Variants in ZCCHC4 observed in about 807,000 individuals in gnomAD.
ZCCHC4 encodes the protein rRNA N(6)-adenosine-methyltransferase ZCCHC4.
A neutral mutation model predicts 67.7 loss-of-function variants in ZCCHC4; 54 were observed. That is an observed-to-expected ratio of 0.80 (90% CI 0.64 to 1.00). ZCCHC4 has a LOEUF of 1.00. Ranked by LOEUF, ZCCHC4 falls within the 50% of genes least tolerant of loss-of-function variation. The pLI is 0.00. For missense variants in ZCCHC4, 609 were observed against 617.0 expected (o/e 0.99, Z 0.14); for synonymous variants, 198 against 213.5 (o/e 0.93, Z 0.63).
At chr4:25,321,364 T>C (rs1490962534) in intron 3 of ZCCHC4, among the ~76,000 whole-genome samples, 1 of 152,048 alleles carries the variant, frequency 6.6e-6, no homozygotes, top group African/African-American at 2.4e-5. Flanking sequence ...GGGGTCTTCC[T>C]GGCTAATTTT....
intron 1 of ZCCHC4, 115 bp from the exon 2 acceptor site, chr4:25,313,931 G>C (rs1275584087): frequency 3.3e-5 from 22 of 667,818 alleles, no homozygotes; most frequent in Non-Finnish European, 5.2e-6. Context: ...ATTTAATTAT[G>C]ATAAATTGTG....
chr4:25,343,069 C>A (rs916677858), intron 5 of ZCCHC4, among the ~76,000 whole-genome samples: 3 of 151,762 alleles, frequency 2.0e-5, no homozygotes, highest in African/African-American at 7.3e-5. Flanking sequence ...GAGAAGAAAA[C>A]CCTCAAATGA....
chr4:25,349,826 T>C, intron 7 of ZCCHC4, 184 bp downstream of exon 7: 2 of 624,262 alleles, frequency 3.2e-6, no homozygotes, highest in South Asian at 4.6e-5. Context: ...ATTATTCTAA[T>C]CATGTGGATT....
chr4:25,326,420 A>G (rs914597569), intron 3 of ZCCHC4, among the ~76,000 whole-genome samples: 1 of 152,260 alleles, frequency 6.6e-6, no homozygotes, highest in Non-Finnish European at 1.5e-5. Flanking sequence ...GTGTATTCAC[A>G]GGTTCCATAT....
At chr4:25,315,254 G>A in intron 2 of ZCCHC4, 64 bp from the exon 3 acceptor site, 2 of 1,382,704 alleles carry the variant, frequency 1.4e-6, no homozygotes, top group Non-Finnish European at 2.0e-6. Flanking sequence ...AGAATGTGAT[G>A]CCAGTTCTTC....
chr4:25,339,719 ATG>A (rs1719633661), intron 5 of ZCCHC4, among the ~76,000 whole-genome samples: 1 of 152,098 alleles, frequency 6.6e-6, no homozygotes, highest in African/African-American at 2.4e-5. Context: ...TTCACTTGTG[ATG>A]AAGTCCAGTT....
At chr4:25,364,421 T>G in intron 10 of ZCCHC4, 33 bp from the exon 11 acceptor site, 1 of 1,432,480 alleles carries the variant, frequency 7.0e-7, no homozygotes, top group Non-Finnish European at 9.3e-7. Context: ...AACAAATTAA[T>G]TATAATTTAA....
chr4:25,334,231 C>T (rs942562108), intron 5 of ZCCHC4, among the ~76,000 whole-genome samples: 81 of 152,108 alleles, frequency 5.3e-4, no homozygotes, highest in Non-Finnish European at 1.0e-3. Flanking sequence ...GTGGCTAGTT[C>T]GTCTTTGGCT....
At chr4:25,349,229 AC>A (rs1437761499) in intron 6 of ZCCHC4, among the ~76,000 whole-genome samples, 1 of 152,196 alleles carries the variant, frequency 6.6e-6, no homozygotes, top group East Asian at 1.9e-4. Flanking sequence ...TTTTAATTTA[AC>A]CATTTGAAAT....
chr4:25,357,582 C>T (rs191048435), intron 8 of ZCCHC4, among the ~76,000 whole-genome samples: 1 of 152,262 alleles, frequency 6.6e-6, no homozygotes, highest in Admixed American at 6.5e-5. Flanking sequence ...GGCTGGAGAA[C>T]GAGCCTAGGA....
Position 25,322,332 on chromosome 4 carries a change from C to T in ZCCHC4, c.329+6932C>T, listed in dbSNP as rs1287671656. Among the ~76,000 whole-genome samples the T allele has an allele frequency of 2.0e-5, 3 of 152,226 alleles. No individual in the cohort carries two copies. The East Asian group carries it at 5.8e-4, about 29-fold the overall frequency. ...AACCTCATGCCTGTCAGCAGTTACT[C>T]CCATTTCCCCACTCCCCACCCCAGC... is the stretch of plus-strand genomic sequence containing the variant. On this transcript the variant is annotated intron_variant, in intron 3 of 12. Transcript: ENST00000302874.
intron 2 of ZCCHC4, among the ~76,000 whole-genome samples, chr4:25,314,747 G>T (rs1577718752): frequency 1.3e-5 from 2 of 152,154 alleles, no homozygotes; most frequent in South Asian, 4.1e-4. Context: ...TTCAACATAC[G>T]AATTTTAGGG....
intron 5 of ZCCHC4, among the ~76,000 whole-genome samples, chr4:25,335,209 G>A (rs976486804): frequency 6.6e-6 from 1 of 152,148 alleles, no homozygotes; most frequent in Non-Finnish European, 1.5e-5. Flanking sequence ...CACTTTGGGA[G>A]GCCAAGGCTG....
At chr4:25,342,015 G>A (rs1217843887) in intron 5 of ZCCHC4, among the ~76,000 whole-genome samples, 1 of 152,084 alleles carries the variant, frequency 6.6e-6, no homozygotes, top group Non-Finnish European at 1.5e-5. Flanking sequence ...TTTTTTTCAT[G>A]CTTATAAACT....
intron 5 of ZCCHC4, among the ~76,000 whole-genome samples, chr4:25,334,344 T>C (rs1404039372): frequency 6.6e-6 from 1 of 152,266 alleles, no homozygotes; most frequent in Non-Finnish European, 1.5e-5. Flanking sequence ...TCCAGGATTT[T>C]GTTTCATTAG....
At chr4:25,349,763 A>G (rs1348745172) in intron 7 of ZCCHC4, 121 bp downstream of exon 7, 3 of 1,015,234 alleles carry the variant, frequency 3.0e-6, no homozygotes, top group Admixed American at 5.5e-5. Context: ...TCTCTTTTTA[A>G]AAACAGGCTT....
chr4:25,322,536 A>G (rs1718637229), intron 3 of ZCCHC4, among the ~76,000 whole-genome samples: 1 of 151,846 alleles, frequency 6.6e-6, no homozygotes, highest in Non-Finnish European at 1.5e-5. Context: ...TTTTTTTGAG[A>G]CAGAGCCCCA....
intron 3 of ZCCHC4, among the ~76,000 whole-genome samples, chr4:25,318,816 CT>C (rs1718419915): frequency 6.6e-6 from 1 of 151,582 alleles, no homozygotes; most frequent in Admixed American, 6.6e-5. Context: ...ATAATTTCAT[CT>C]TTTATCTAGT....
At position 25,369,200 on chromosome 4, in the gene ZCCHC4, TC is replaced by T; in HGVS notation, c.*38del. 1 of 1,602,750 alleles carries T rather than the reference TC, an allele frequency of 6.2e-7. No homozygotes were observed. The highest frequency in any genetic ancestry group is 1.1e-5 in the South Asian group (1 of 88,092). On this transcript the variant is annotated 3_prime_UTR_variant, in exon 13 of 13. Transcript: ENST00000302874. Reference sequence around the variant, plus strand: ...ACTGGAGAATAAGAAAGATTTATGGTCCAACCTTTGATGCCATTTTCTGAAA... The same window carrying T: ...ACTGGAGAATAAGAAAGATTTATGGTCAACCTTTGATGCCATTTTCTGAAA...
Sources: gnomAD v4.1 joint callset for allele counts (sites outside exome capture counted in the v4.1 genomes callset) on GRCh38, gnomAD v4.1.1 for gene constraint, MANE v1.5 for transcripts, NCBI Gene and HGNC (gene_info 2026-07-23, HGNC 2026-07-21) for gene names.